ZNF462: variants seen among roughly 807,000 people sequenced by gnomAD.
ZNF462 encodes zinc finger PBX1-interacting protein.
ZNF462 carries 10 observed loss-of-function variants against 201.9 expected under a neutral mutation model. The ratio of observed to expected loss-of-function variants is 0.05; its 90% CI spans 0.03 to 0.08. The LOEUF (loss-of-function observed/expected upper bound fraction) is 0.08, where lower values mean the gene tolerates loss of function less well. ZNF462 is among the 10% of genes least tolerant of loss of function. ZNF462 has a pLI of 1.00. For synonymous variants in ZNF462, 1,227 were observed against 1,193.3 expected, an observed-to-expected ratio of 1.03 and a Z score of -0.58; for missense variants, 2,523 against 3,168.3, an observed-to-expected ratio of 0.80 and a Z score of 4.89.
intron 7 of ZNF462, among the ~76,000 whole-genome samples, chr9:106,947,778 C>T (rs1391037014): frequency 6.6e-6 from 1 of 152,112 alleles, no homozygotes. Context: ...TGCCCTTGAA[C>T]TTTGTGCCTC....
At chr9:106,918,361 A>G (rs908807812) in intron 1 of ZNF462, among the ~76,000 whole-genome samples, 2 of 152,192 alleles carry the variant, frequency 1.3e-5, no homozygotes, top group South Asian at 4.1e-4. Flanking sequence ...ATCTATAATT[A>G]TGTGTGTTTG....
intron 7 of ZNF462, among the ~76,000 whole-genome samples, chr9:106,960,375 T>G (rs1031320295): frequency 1.3e-5 from 2 of 152,158 alleles, no homozygotes; most frequent in Non-Finnish European, 2.9e-5. Flanking sequence ...GAGGAAGCAC[T>G]GTGGCCTTGC....
chr9:106,966,287 A>G lies in ZNF462; in HGVS notation c.6428-5718A>G, dbSNP rs926605978. On this transcript the variant is annotated intron_variant, in intron 7 of 12. Transcript: ENST00000277225. The surrounding 1 kb of genome is among the most constrained non-coding windows in gnomAD (Gnocchi z 4.4). The stretch of plus-strand genomic sequence containing the variant: ...TTCAGACTCATCATTTCTTTACCCT[A>G]GGGAAATTAAGTCATTTTTTTTCAT... Among the ~76,000 whole-genome samples, 6 of 152,028 alleles carry G rather than the reference A, an allele frequency of 3.9e-5. No homozygotes were observed. Among genetic ancestry groups the G allele is most frequent in the African/African-American group, 1.4e-4 (6 of 41,404 alleles).
intron 7 of ZNF462, among the ~76,000 whole-genome samples, chr9:106,969,674 C>T (rs1462745418): frequency 6.6e-6 from 1 of 152,198 alleles, no homozygotes; most frequent in Admixed American, 6.5e-5. Context: ...TCTGGGAGAT[C>T]CAGGGATGTG....
chr9:106,987,767 G>A (rs1053779511), intron 10 of ZNF462, among the ~76,000 whole-genome samples: 4 of 152,166 alleles, frequency 2.6e-5, no homozygotes, highest in African/African-American at 7.2e-5. Flanking sequence ...TTTTTCCAAT[G>A]TTATCTTCTA....
intron 11 of ZNF462, among the ~76,000 whole-genome samples, chr9:107,004,800 G>GGC (rs1829434559): frequency 6.6e-6 from 1 of 151,992 alleles, no homozygotes; most frequent in Non-Finnish European, 1.5e-5. Flanking sequence ...CCACTGTGTT[G>GGC]TACAATAGAT....
In ZNF462 at chr9:106,902,458, T is replaced by G. The variant is rs1187457862; in HGVS notation, c.-30-20896T>G. Among the ~76,000 whole-genome samples, 5 of 152,090 alleles carry G rather than the reference T, an allele frequency of 3.3e-5. No homozygotes were observed. The highest frequency in any genetic ancestry group is 9.7e-5 in the African/African-American group (4 of 41,432). ...ATAGAATGAATTAGGGAGGGTTCTC[T>G]CTCTCTCTCTGTCTTGTGGAATAGT... On this transcript the variant is annotated intron_variant, in intron 1 of 12. Coordinates refer to ENST00000277225, the MANE Select transcript of ZNF462 (RefSeq NM_021224.6). The surrounding 1 kb of genome is among the most constrained non-coding windows in gnomAD (Gnocchi z 4.2).
At chr9:106,976,695 A>G (rs1231546116) in intron 9 of ZNF462, 1 of 152,192 alleles carries the variant, frequency 6.6e-6, no homozygotes, top group Admixed American at 6.5e-5. Context: ...TAGTAATAAT[A>G]ACAACATTAA....
intron 7 of ZNF462, among the ~76,000 whole-genome samples, chr9:106,948,000 G>A (rs996307069): frequency 5.9e-5 from 9 of 152,192 alleles, no homozygotes; most frequent in Non-Finnish European, 1.3e-4. Flanking sequence ...TTGTATATCT[G>A]CATTTGAATG....
Position 106,924,345 on chromosome 9 carries a change from C to G in ZNF462, c.433C>G (p.Pro145Ala). The G allele has an allele frequency of 6.2e-7, 1 of 1,614,102 alleles. No individual in the cohort carries two copies. Among genetic ancestry groups the G allele is most frequent in the South Asian group, 1.1e-5 (1 of 91,060 alleles). Residue 145 changes from proline to alanine, a missense_variant, in exon 3 of 13, where the codon CCG (proline) becomes GCG (alanine). By Grantham distance (27) the Pro-to-Ala change is conservative. Coordinates refer to ENST00000277225, the MANE Select transcript of ZNF462 (RefSeq NM_021224.6). The surrounding 1 kb of genome is among the most constrained non-coding windows in gnomAD (Gnocchi z 6.2). ...AGGGAGTTCATCAGGACCCCCTGTC[C>G]CGGGATCCTTAAATTATAATATCAT... ...AEGSSSGPPV[P>A]GSLNYNIMMH...
chr9:106,978,740 A>T lies in ZNF462; in HGVS notation c.6832+4467A>T, dbSNP rs1160679734. The T allele has an allele frequency of 6.6e-6, 1 of 151,924 alleles. No individual in the cohort carries two copies. Among genetic ancestry groups the T allele is most frequent in the African/African-American group, 2.4e-5 (1 of 40,834 alleles). The allele number at this position is 151,924 out of a possible 1,614,324, so 9.4% of individuals were successfully genotyped here. Reference sequence around the variant, plus strand: ...TTTGGCTTTTTGAAGGAGACTTTTTATTATTTTTATATACAGAAAACTGAA... The same window carrying T: ...TTTGGCTTTTTGAAGGAGACTTTTTTTTATTTTTATATACAGAAAACTGAA... On this transcript the variant is annotated intron_variant, in intron 9 of 12. Transcript: ENST00000277225. This position sits in a 1 kb window ranked among gnomAD's most constrained non-coding sequence, Gnocchi z 4.1.
chr9:106,985,157 A>G (rs1305174553), intron 10 of ZNF462, among the ~76,000 whole-genome samples: 2 of 152,116 alleles, frequency 1.3e-5, no homozygotes, highest in African/African-American at 4.8e-5. Flanking sequence ...GTTCCAGTAA[A>G]AGTTTATTTA....
At chr9:106,941,722 A>G (rs894878210) in intron 7 of ZNF462, among the ~76,000 whole-genome samples, 7 of 152,266 alleles carry the variant, frequency 4.6e-5, no homozygotes, top group African/African-American at 9.6e-5. Context: ...TGAATGAATA[A>G]TTCTGTGGAA....
Position 106,932,332 on chromosome 9 carries a change from C to T in ZNF462, c.6013-114C>T. On this transcript the variant is annotated intron_variant, in intron 4 of 12. Coordinates refer to ENST00000277225, the MANE Select transcript of ZNF462 (RefSeq NM_021224.6). This position sits in a 1 kb window ranked among gnomAD's most constrained non-coding sequence, Gnocchi z 6.8. ...AGCAGCCAAAGACGCCAGTGGCGCC[C>T]TGGTGGGCCGGGTGGATGGTGAACA... is the stretch of plus-strand genomic sequence containing the variant. The T allele has an allele frequency of 6.4e-7, 1 of 1,564,742 alleles. No homozygotes were observed. Among genetic ancestry groups the T allele is most frequent in the South Asian group, 1.2e-5 (1 of 85,570 alleles).
rs377243331 is a variant in ZNF462 at position 106,916,569 on chromosome 9, T to TG, written c.-30-6777dup. Among the ~76,000 whole-genome samples the TG allele has an allele frequency of 9.7e-4, 147 of 152,016 alleles. 1 individual carries two copies. In the Middle Eastern group the frequency reaches 0.014, roughly 14 times the overall value. ...CTGCTGTTTGGGCGAGGTTTAGCTC[T>TG]GGGGGGGGAGAAATCAGTTATCTGT... On this transcript the variant is annotated intron_variant, in intron 1 of 12. Coordinates refer to ENST00000277225, the MANE Select transcript of ZNF462 (RefSeq NM_021224.6).
rs1377246939 is a variant in ZNF462, at chr9:107,003,320, A to G, written c.7083A>G (p.Gly2361=). ...HKVSRNFELV[G]RVNLDQLEQM... Reference sequence around the variant, plus strand: ...TAAGCCGTAACTTTGAGCTGGTTGGACGGGTTAACTTGGATCAGCTGGAAC... The same window carrying G: ...TAAGCCGTAACTTTGAGCTGGTTGGGCGGGTTAACTTGGATCAGCTGGAAC... The change falls in exon 11 of 13, where the codon GGA becomes GGG. Residue 2361 remains glycine, a synonymous_variant. Transcript: ENST00000277225. This position sits in a 1 kb window ranked among gnomAD's most constrained non-coding sequence, Gnocchi z 4.4. The G allele has an allele frequency of 6.2e-7, 1 of 1,613,638 alleles. No individual in the cohort carries two copies. The highest frequency in any genetic ancestry group is 8.5e-7 in the Non-Finnish European group (1 of 1,179,802).
At position 107,010,171 on chromosome 9, in the gene ZNF462, A is replaced by G. The variant is rs1294525971; in HGVS notation, c.7313+503A>G. Among the ~76,000 whole-genome samples, 1 of 152,100 alleles carries G rather than the reference A, an allele frequency of 6.6e-6. No individual in the cohort carries two copies. Among genetic ancestry groups the G allele is most frequent in the African/African-American group, 2.4e-5 (1 of 41,430 alleles). On this transcript the variant is annotated intron_variant, in intron 12 of 12. Transcript: ENST00000277225. This position sits in a 1 kb window ranked among gnomAD's most constrained non-coding sequence, Gnocchi z 4.6. ...TCCCTGAACATAAAATCAGCCCCTC[A>G]ACAAGGCACGTTAGTCCACCAGATG...
chr9:106,984,322 T>C lies in ZNF462; in HGVS notation c.6969T>C (p.Asn2323=), dbSNP rs1374989069. The part of the protein sequence containing the change: ...ESLQQHIEKH[N]ELKPYKCQLC... The stretch of plus-strand genomic sequence containing the variant: ...TCCAGCAACATATAGAAAAGCACAA[T>C]GAACTGAAACCTTACAAATGCCAGC... Residue 2323 remains asparagine (N), a synonymous_variant, in exon 10 of 13, where the codon AAT becomes AAC. Transcript: ENST00000277225. The surrounding 1 kb of genome is among the most constrained non-coding windows in gnomAD (Gnocchi z 6.4). 2.5e-6 allele frequency: 4 copies of C among 1,613,936 alleles called. No individual in the cohort carries two copies. The highest frequency in any genetic ancestry group is 2.2e-5 in the East Asian group (1 of 44,884).
In ZNF462 at chr9:106,928,199, T is replaced by G; in HGVS notation, c.4287T>G (p.Cys1429Trp). 6.2e-7 allele frequency: 1 copy of G among 1,613,986 alleles called. No individual in the cohort carries two copies. Among genetic ancestry groups the G allele is most frequent in the Non-Finnish European group, 8.5e-7 (1 of 1,180,006 alleles). The change falls in exon 3 of 13, where the codon TGT becomes TGG. Residue 1429 changes from cysteine (C) to tryptophan (W), a missense_variant. Cys to Trp is a radical substitution (Grantham distance 215). Around this residue, in one of 15 missense-constraint regions of ZNF462, gnomAD observed 165 missense variants for 142.6 expected, o/e 1.16. Transcript: ENST00000277225. This position sits in a 1 kb window ranked among gnomAD's most constrained non-coding sequence, Gnocchi z 9.3. Reference protein sequence around the residue: ...SSEELAGPVNCENSIPTPFPE... With the variant: ...SSEELAGPVNWENSIPTPFPE... ...AAGAGTTGGCAGGCCCTGTGAATTG[T>G]GAAAACAGTATACCCACCCCTTTCC...
Sources: allele counts gnomAD v4.1 joint callset (sites outside exome capture counted in the v4.1 genomes callset), GRCh38; gene constraint gnomAD v4.1.1; regional missense constraint gnomAD v4.1.1; non-coding constraint Gnocchi (gnomAD v3.1); transcripts MANE v1.5; gene names NCBI Gene and HGNC (gene_info 2026-07-23, HGNC 2026-07-21).